Variants in VEGFD observed in about 807,000 individuals in gnomAD.
VEGFD encodes the protein vascular endothelial growth factor D, also known as c-fos induced growth factor (vascular endothelial growth factor D).
In VEGFD, 26 loss-of-function variants were observed where a neutral mutation model predicts 28.0. The ratio of observed to expected loss-of-function variants is 0.93; its 90% CI spans 0.68 to 1.29. VEGFD has a LOEUF of 1.29. Among genes scored for constraint, VEGFD ranks in the 50% most tolerant of loss-of-function variants. The pLI, the probability that VEGFD is intolerant of heterozygous loss-of-function variation, is 0.00. For synonymous variants in VEGFD, 93 were observed against 95.5 expected (o/e 0.97, Z 0.15); for missense variants, 294 against 273.4 (o/e 1.08, Z -0.53).
chrX:15,372,595 A>T lies in VEGFD; in HGVS notation c.91-9276T>A, dbSNP rs184075522. Reference sequence around the variant, plus strand: ...GCAGCTTTGCCATCAGGATTTTTTAAAAAAAAACTTCCCAGGTGTTAGCCT... The same window carrying T: ...GCAGCTTTGCCATCAGGATTTTTTATAAAAAAACTTCCCAGGTGTTAGCCT... On this transcript the variant is annotated intron_variant, in intron 1 of 6. Coordinates refer to ENST00000297904, the MANE Select transcript of VEGFD (RefSeq NM_004469.5). Among the ~76,000 whole-genome samples, 831 of 110,873 alleles carry T rather than the reference A, an allele frequency of 7.5e-3. 12 individuals carry two copies. Among genetic ancestry groups the T allele is most frequent in the African/African-American group, 0.026 (786 of 30,501 alleles).
chrX:15,366,016 G>A (rs1923136535), intron 1 of VEGFD, among the ~76,000 whole-genome samples: 1 of 111,386 alleles, frequency 9.0e-6, no homozygotes, highest in African/African-American at 3.3e-5. Context: ...TTGTTTGTTT[G>A]TTTGTTTTGA....
chrX:15,351,217 G>A (rs1432972300), intron 5 of VEGFD, among the ~76,000 whole-genome samples: 3 of 97,904 alleles, frequency 3.1e-5, no homozygotes, highest in Non-Finnish European at 6.2e-5. Flanking sequence ...CCGGGTTCAC[G>A]CCATTCTCCT....
intron 5 of VEGFD, among the ~76,000 whole-genome samples, chrX:15,350,459 T>C (rs1157548084): frequency 8.9e-6 from 1 of 112,949 alleles, no homozygotes. Flanking sequence ...ATGAACGGTC[T>C]ACAGGGCTCA....
chrX:15,379,980 G>T (rs770092064), intron 1 of VEGFD, among the ~76,000 whole-genome samples: 1 of 112,305 alleles, frequency 8.9e-6, no homozygotes, highest in African/African-American at 3.2e-5. Context: ...CCAATAATAC[G>T]CTATAGTGAT....
At chrX:15,382,091 C>T (rs749252732) in intron 1 of VEGFD, among the ~76,000 whole-genome samples, 17 of 111,502 alleles carry the variant, frequency 1.5e-4, no homozygotes, top group African/African-American at 3.6e-4. Flanking sequence ...GAGGCCAAGG[C>T]GGGCAGATCA....
Position 15,383,964 on chromosome X carries a change from C to G in VEGFD, c.-18G>C, listed in dbSNP as rs1447016333. On this transcript the variant is annotated 5_prime_UTR_variant, in exon 1 of 7. Coordinates refer to ENST00000297904, the MANE Select transcript of VEGFD (RefSeq NM_004469.5). ...CTGTACATTTTGAATATTTCAATAT[C>G]CACTGATTACTAAGCAGTTGACATC... 9.2e-6 allele frequency: 10 copies of G among 1,092,008 alleles called. No individual in the cohort carries two copies. The highest frequency in any genetic ancestry group is 1.1e-5 in the Non-Finnish European group (9 of 788,125). 90.0% of individuals were successfully genotyped at this position (1,092,008 alleles called of 1,213,427 possible).
chrX:15,345,912 C>T lies in VEGFD; in HGVS notation c.*221G>A, dbSNP rs1423060790. On this transcript the variant is annotated 3_prime_UTR_variant, in exon 7 of 7. Transcript: ENST00000297904. ...AACAAAAGGATTACATGGGTCCCCT[C>T]CTCTCCATTCCTTGGTGCGCAGAGG... 10 of 398,376 alleles carry T rather than the reference C, an allele frequency of 2.5e-5. No individual in the cohort carries two copies. In the Admixed American group the frequency reaches 4.8e-4, roughly 19 times the overall value. 32.8% of individuals were successfully genotyped at this position (398,376 alleles called of 1,213,427 possible).
At chrX:15,374,512 C>T (rs1227005138) in intron 1 of VEGFD, among the ~76,000 whole-genome samples, 1 of 111,065 alleles carries the variant, frequency 9.0e-6, no homozygotes, top group Non-Finnish European at 1.9e-5. Context: ...GACAGCGAAC[C>T]AAAAATACAA....
At chrX:15,346,300 G>T (rs776643669) in intron 6 of VEGFD, 41 bp from the exon 7 acceptor site, 2 of 1,176,709 alleles carry the variant, frequency 1.7e-6, no homozygotes, top group Non-Finnish European at 1.1e-6. Flanking sequence ...CAGAATCAAT[G>T]ACTGGATTCA....
chrX:15,371,840 CAT>C (rs1299504339), intron 1 of VEGFD, among the ~76,000 whole-genome samples: 3 of 112,188 alleles, frequency 2.7e-5, no homozygotes, highest in Non-Finnish European at 5.6e-5. Context: ...TAAAAAGAAA[CAT>C]AGTGTTGCTC....
chrX:15,363,744 C>T (rs1923076386), intron 1 of VEGFD, among the ~76,000 whole-genome samples: 2 of 111,998 alleles, frequency 1.8e-5, no homozygotes, highest in Admixed American at 9.4e-5. Flanking sequence ...GACAAGTGTC[C>T]TTATAAGAGA....
chrX:15,377,370 T>C (rs992494705), intron 1 of VEGFD, among the ~76,000 whole-genome samples: 1 of 111,995 alleles, frequency 8.9e-6, no homozygotes, highest in Admixed American at 9.5e-5. Context: ...AATGTGGTAA[T>C]GTGATTTCCT....
chrX:15,362,148 G>T (rs1476163071), intron 2 of VEGFD, among the ~76,000 whole-genome samples: 3 of 111,435 alleles, frequency 2.7e-5, no homozygotes, highest in African/African-American at 9.8e-5. Context: ...GATTACAGGT[G>T]TCATCCACCA....
chrX:15,364,973 G>A (rs1326714326), intron 1 of VEGFD, among the ~76,000 whole-genome samples: 1 of 111,905 alleles, frequency 8.9e-6, no homozygotes, highest in Non-Finnish European at 1.9e-5. Flanking sequence ...ACTCAGAAGA[G>A]CAAGTGTGGT....
At chrX:15,371,133 C>T (rs759485177) in intron 1 of VEGFD, among the ~76,000 whole-genome samples, 4 of 111,750 alleles carry the variant, frequency 3.6e-5, no homozygotes, top group African/African-American at 1.3e-4. Context: ...GATGGCAATA[C>T]TGTTGATTGG....
At chrX:15,349,652 G>C (rs924092206) in intron 5 of VEGFD, among the ~76,000 whole-genome samples, 1 of 111,879 alleles carries the variant, frequency 8.9e-6, no homozygotes, top group East Asian at 2.8e-4. Context: ...GTGTGTGTGT[G>C]TTTGTGTATA....
Position 15,361,861 on chromosome X carries a change from G to T in VEGFD, c.301+1248C>A, listed in dbSNP as rs763978825. ...CTTTCTTTCTTTGTTTTTTTGTTTT[G>T]TTTTGTTTTGTTTTTTTGTTTTTTA... On this transcript the variant is annotated intron_variant, in intron 2 of 6. Coordinates refer to ENST00000297904, the MANE Select transcript of VEGFD (RefSeq NM_004469.5). Among the ~76,000 whole-genome samples the T allele has an allele frequency of 8.7e-3, 959 of 109,931 alleles. 11 individuals are homozygous for T. The highest frequency in any genetic ancestry group is 0.03 in the African/African-American group (891 of 29,864).
At chrX:15,351,942 G>A (rs191327447) in intron 5 of VEGFD, among the ~76,000 whole-genome samples, 304 of 112,287 alleles carry the variant, frequency 2.7e-3, no homozygotes, top group Non-Finnish European at 4.2e-3. Flanking sequence ...GTTCTGGAGA[G>A]AGATTTCATT....
intron 1 of VEGFD, among the ~76,000 whole-genome samples, chrX:15,377,924 C>A (rs921697391): frequency 8.9e-6 from 1 of 111,797 alleles, no homozygotes; most frequent in East Asian, 2.8e-4. Flanking sequence ...TTATGAACCA[C>A]CAAGATTTCG....
Sources: allele counts gnomAD v4.1 joint callset (sites outside exome capture counted in the v4.1 genomes callset), GRCh38; gene constraint gnomAD v4.1.1; transcripts MANE v1.5; gene names NCBI Gene and HGNC (gene_info 2026-07-23, HGNC 2026-07-21).